Variants in FGF5 observed in about 807,000 individuals in gnomAD.
The protein encoded by FGF5 is fibroblast growth factor 5.
FGF5 carries 23 observed loss-of-function variants against 21.8 expected under a neutral mutation model. The observed-to-expected ratio is 1.05, with a 90% CI of 0.76 to 1.49. The LOEUF is 1.49. Among genes scored for constraint, FGF5 ranks in the 40% most tolerant of loss-of-function variants. The probability of loss-of-function intolerance (pLI) is 0.00; values close to 1 mark genes in which losing one functional copy is unlikely to be tolerated. For synonymous variants in FGF5, 158 were observed against 124.0 expected, an observed-to-expected ratio of 1.27 and a Z score of -1.82; for missense variants, 352 against 332.9, an observed-to-expected ratio of 1.06 and a Z score of -0.45.
In FGF5 at chr4:80,288,850, G is replaced by A. The variant is rs976984378; in HGVS notation, c.*2178G>A. 6.6e-6 allele frequency: 1 copy of A among 152,482 alleles called. No homozygotes were observed. The highest frequency in any genetic ancestry group is 2.4e-5 in the African/African-American group (1 of 41,354). The allele number at this position is 152,482 out of a possible 1,614,324, so 9.4% of individuals were successfully genotyped here. On this transcript the variant is annotated 3_prime_UTR_variant, in exon 3 of 3. Transcript: ENST00000312465. ...TTATACTCCTGGTTTGATTTGATTA[G>A]CATATTAACGTGAAAGTAGGATAGC...
Position 80,274,980 on chromosome 4 carries a change from G to A in FGF5, c.427G>A (p.Ala143Thr), listed in dbSNP as rs1490574784. The A allele has an allele frequency of 6.3e-7, 1 of 1,590,042 alleles. No homozygotes were observed. The highest frequency in any genetic ancestry group is 1.1e-5 in the South Asian group (1 of 88,990). ...AGGAGTTTTCAGCAACAAATTTTTA[G>A]CGATGTCAAAAAAAGGAAAACTCCA... ...IRGVFSNKFL[A>T]MSKKGKLHAS... Residue 143 changes from alanine (A) to threonine (T), a missense_variant, in exon 2 of 3, where the codon GCG (alanine) becomes ACG (threonine). Ala to Thr is a moderately conservative substitution (Grantham distance 58). Coordinates refer to ENST00000312465, the MANE Select transcript of FGF5 (RefSeq NM_004464.4).
upstream of FGF5, chr4:80,266,659 G>A: frequency 3.3e-6 from 2 of 610,426 alleles, no homozygotes; most frequent in Non-Finnish European, 5.7e-6. Flanking sequence ...CCAGCGCGGA[G>A]ATCCGCTCGG....
intron 1 of FGF5, among the ~76,000 whole-genome samples, chr4:80,267,449 T>C (rs1720128859): frequency 6.6e-6 from 1 of 152,196 alleles, no homozygotes; most frequent in Admixed American, 6.5e-5. Flanking sequence ...GTTTTCAGTT[T>C]GCTCTAGCCT....
At chr4:80,270,714 G>A (rs1720247389) in intron 1 of FGF5, among the ~76,000 whole-genome samples, 2 of 152,178 alleles carry the variant, frequency 1.3e-5, no homozygotes, top group African/African-American at 4.8e-5. Context: ...GGCCATTGAA[G>A]AATAGGCAAT....
chr4:80,279,141 G>A (rs1055066665), intron 2 of FGF5, among the ~76,000 whole-genome samples: 2 of 152,176 alleles, frequency 1.3e-5, no homozygotes, highest in Admixed American at 6.5e-5. Context: ...GGCCTTGAGT[G>A]TGATGGTAAA....
chr4:80,280,787 C>T (rs1449688043), intron 2 of FGF5, among the ~76,000 whole-genome samples: 1 of 151,978 alleles, frequency 6.6e-6, no homozygotes, highest in Non-Finnish European at 1.5e-5. Context: ...CCATGTTTTG[C>T]CTGGTGTGGT....
At chr4:80,272,450 T>C (rs2109919345) in intron 1 of FGF5, among the ~76,000 whole-genome samples, 1 of 152,264 alleles carries the variant, frequency 6.6e-6, no homozygotes, top group Non-Finnish European at 1.5e-5. Context: ...ACATGTTAAA[T>C]GCATCTAAAT....
In FGF5 at chr4:80,286,707, C is replaced by A; in HGVS notation, c.*35C>A. 6.4e-7 allele frequency: 1 copy of A among 1,552,730 alleles called. No individual in the cohort carries two copies. Among genetic ancestry groups the A allele is most frequent in the African/African-American group, 1.4e-5 (1 of 73,168 alleles). On this transcript the variant is annotated 3_prime_UTR_variant, in exon 3 of 3. Coordinates refer to ENST00000312465, the MANE Select transcript of FGF5 (RefSeq NM_004464.4). The stretch of plus-strand genomic sequence containing the variant: ...TGGCCTTGTGAGAAACCATTCTTTC[C>A]CCTCAGGAGTTTCTATAGGTGTCTT...
At chr4:80,284,886 AG>A (rs1236545234) in intron 2 of FGF5, among the ~76,000 whole-genome samples, 1 of 152,222 alleles carries the variant, frequency 6.6e-6, no homozygotes, top group Non-Finnish European at 1.5e-5. Context: ...TTGATATAGA[AG>A]TATGTAGCTT....
Position 80,281,859 on chromosome 4 carries a change from C to T in FGF5, c.460-4466C>T, listed in dbSNP as rs559528545. On this transcript the variant is annotated intron_variant, in intron 2 of 2. Transcript: ENST00000312465. The stretch of plus-strand genomic sequence containing the variant: ...AATATTGTAGTTAATCGGAGTTGTG[C>T]TTTCTTTGAATTCAATTTGACCGTT... 3.0e-4 allele frequency among the ~76,000 whole-genome samples: 45 copies of T among 152,184 alleles called. 1 individual carries two copies. Among genetic ancestry groups the T allele is most frequent in the African/African-American group, 1.1e-3 (44 of 41,516 alleles).
intron 2 of FGF5, among the ~76,000 whole-genome samples, chr4:80,281,517 T>G (rs1720555058): frequency 6.6e-6 from 1 of 152,226 alleles, no homozygotes; most frequent in Non-Finnish European, 1.5e-5. Flanking sequence ...GAAAACAAGC[T>G]GAAATAAATC....
At chr4:80,267,733 G>GTAGATAGATAGA (rs3839148) in intron 1 of FGF5, among the ~76,000 whole-genome samples, 1,556 of 151,056 alleles carry the variant, frequency 0.01, 20 homozygotes, top group African/African-American at 0.036. Context: ...ATACACATAG[G>GTAGATAGATAGA]TAGATAGATA....
rs906215290 is a variant in FGF5 at position 80,290,280 on chromosome 4, G to T, written c.*3608G>T. 7 of 152,104 alleles carry T rather than the reference G, an allele frequency of 4.6e-5. No individual in the cohort carries two copies. Among genetic ancestry groups the T allele is most frequent in the Non-Finnish European group, 1.0e-4 (7 of 68,012 alleles). The allele number at this position is 152,104 out of a possible 1,614,324, so 9.4% of individuals were successfully genotyped here. ...TCTGATAATTTAAAATCCATTTTAG[G>T]TGATAAAATTTTTTAAAAGTTTTGA... is the stretch of plus-strand genomic sequence containing the variant. On this transcript the variant is annotated 3_prime_UTR_variant, in exon 3 of 3. Transcript: ENST00000312465.
Position 80,286,746 on chromosome 4 carries a change from A to G in FGF5, c.*74A>G. 1 of 1,131,304 alleles carries G rather than the reference A, an allele frequency of 8.8e-7. No homozygotes were observed. The highest frequency in any genetic ancestry group is 1.3e-6 in the Non-Finnish European group (1 of 781,708). The allele number at this position is 1,131,304 out of a possible 1,614,324, so 70.1% of individuals were successfully genotyped here. ...TATAGGTGTCTTCAGAGTTCTGAAGAAAAATTACTGGACACAGCTTCAGCT... is the reference window on the plus strand; with the variant it reads ...TATAGGTGTCTTCAGAGTTCTGAAGGAAAATTACTGGACACAGCTTCAGCT... On this transcript the variant is annotated 3_prime_UTR_variant, in exon 3 of 3. Coordinates refer to ENST00000312465, the MANE Select transcript of FGF5 (RefSeq NM_004464.4).
intron 2 of FGF5, among the ~76,000 whole-genome samples, chr4:80,277,888 G>T (rs901326899): frequency 4.6e-5 from 7 of 152,062 alleles, no homozygotes; most frequent in Non-Finnish European, 1.0e-4. Context: ...ATAATAATCA[G>T]AGTACTAAAA....
chr4:80,266,758 C>T lies in FGF5; in HGVS notation c.-67C>T. On this transcript the variant is annotated 5_prime_UTR_variant, in exon 1 of 3. Coordinates refer to ENST00000312465, the MANE Select transcript of FGF5 (RefSeq NM_004464.4). ...GCGGGCAGAGCCAGAGGCACGCAGCCGCACAGGGGCTACAGAGCCCAGAAT... is the reference window on the plus strand; with the variant it reads ...GCGGGCAGAGCCAGAGGCACGCAGCTGCACAGGGGCTACAGAGCCCAGAAT... 9 of 1,351,624 alleles carry T rather than the reference C, an allele frequency of 6.7e-6. No homozygotes were observed. Among genetic ancestry groups the T allele is most frequent in the Non-Finnish European group, 9.0e-6 (9 of 994,632 alleles). The allele number at this position is 1,351,624 out of a possible 1,614,324, so 83.7% of individuals were successfully genotyped here. A position where few individuals can be genotyped will look rare whatever the true frequency, so the allele number is the denominator to read the frequency against.
chr4:80,277,393 C>G (rs1457602077), intron 2 of FGF5, among the ~76,000 whole-genome samples: 2 of 151,846 alleles, frequency 1.3e-5, no homozygotes, highest in African/African-American at 2.4e-5. Flanking sequence ...ATTATCCAAG[C>G]CCACTTTCTC....
chr4:80,269,985 C>T (rs1720223521), intron 1 of FGF5, among the ~76,000 whole-genome samples: 1 of 152,202 alleles, frequency 6.6e-6, no homozygotes, highest in East Asian at 1.9e-4. Flanking sequence ...CAGAAACTTG[C>T]TAATTACAAT....
intron 1 of FGF5, among the ~76,000 whole-genome samples, chr4:80,271,378 A>T (rs1200218442): frequency 1.6e-5 from 2 of 125,156 alleles, no homozygotes; most frequent in Non-Finnish European, 3.2e-5. Flanking sequence ...CCTAGGTGTC[A>T]ATGCTGAAAT....
Sources: gnomAD v4.1 joint callset for allele counts (sites outside exome capture counted in the v4.1 genomes callset) on GRCh38, gnomAD v4.1.1 for gene constraint, MANE v1.5 for transcripts, NCBI Gene and HGNC (gene_info 2026-07-23, HGNC 2026-07-21) for gene names.